The following NALCN variants were observed in gnomAD, a reference collection of about 807,000 sequenced individuals.
NALCN encodes the protein sodium leak channel, non-selective.
NALCN carries 111 observed loss-of-function variants against 225.3 expected under a neutral mutation model. The observed-to-expected ratio is 0.49, with a 90% confidence interval of 0.42 to 0.58. NALCN has a LOEUF of 0.58. NALCN is among the 20% of genes least tolerant of loss of function. The probability of loss-of-function intolerance (pLI) is 0.00; values close to 1 mark genes in which losing one functional copy is unlikely to be tolerated. For missense variants in NALCN, 1,378 were observed against 2,202.4 expected, an observed-to-expected ratio of 0.63 and a Z score of 7.49; for synonymous variants, 764 against 769.0, an observed-to-expected ratio of 0.99 and a Z score of 0.11.
chr13:101,414,526 T>C (rs1485332944), intron 1 of NALCN, among the ~76,000 whole-genome samples: 1 of 140,150 alleles, frequency 7.1e-6, no homozygotes, highest in Non-Finnish European at 1.5e-5. Flanking sequence ...TGTATACACA[T>C]ACATGCACAC....
At chr13:101,307,622 T>A (rs1048739057) in intron 7 of NALCN, among the ~76,000 whole-genome samples, 1 of 152,188 alleles carries the variant, frequency 6.6e-6, no homozygotes, top group African/African-American at 2.4e-5. Context: ...TCCTGTCTGG[T>A]ATACTTTGTG....
intron 40 of NALCN, among the ~76,000 whole-genome samples, chr13:101,062,994 T>C (rs1003415587): frequency 6.6e-6 from 1 of 152,182 alleles, no homozygotes; most frequent in African/African-American, 2.4e-5. Context: ...CATGCAGTTG[T>C]AGGTAAAGCC....
At position 101,104,337 on chromosome 13, in the gene NALCN, G is replaced by T. The variant is rs561770024; in HGVS notation, c.2847C>A (p.Val949=). 6.2e-7 allele frequency: 1 copy of T among 1,613,556 alleles called. No individual in the cohort carries two copies. The highest frequency in any genetic ancestry group is 1.1e-5 in the South Asian group (1 of 90,974). The change falls in exon 25 of 44, where the codon GTC becomes GTA. Residue 949 remains valine, a synonymous_variant. Coordinates refer to ENST00000251127, the MANE Select transcript of NALCN (RefSeq NM_052867.4). This position sits in a 1 kb window ranked among gnomAD's most constrained non-coding sequence, Gnocchi z 4.2. ...CCATTACTCCACCGAAGTCCCTGAT[G>T]ACAGCAGTTGGAGTGAAAAATAAGC... ...ADGLFFTPTA[V]IRDFGGVMDI...
Position 101,284,761 on chromosome 13 carries a change from C to A in NALCN, c.1048-742G>T, listed in dbSNP as rs373031052. On this transcript the variant is annotated intron_variant, in intron 9 of 43. Coordinates refer to ENST00000251127, the MANE Select transcript of NALCN (RefSeq NM_052867.4). Reference sequence around the variant, plus strand: ...GCTACAGGCCCACTAAATCTGAAATCCATTGAATTAGATACCTAGGTTATT... The same window carrying A: ...GCTACAGGCCCACTAAATCTGAAATACATTGAATTAGATACCTAGGTTATT... Among the ~76,000 whole-genome samples the A allele has an allele frequency of 6.3e-4, 96 of 152,254 alleles. 4 individuals are homozygous for A. In the South Asian group the frequency reaches 0.019, roughly 30 times the overall value.
intron 17 of NALCN, 26 bp from the exon 18 acceptor site, chr13:101,124,707 T>C: frequency 6.3e-7 from 1 of 1,592,430 alleles, no homozygotes; most frequent in South Asian, 1.1e-5. Flanking sequence ...GTATGACTTT[T>C]AGTTTTGGAA....
chr13:101,275,594 G>A (rs2138960416), intron 10 of NALCN, among the ~76,000 whole-genome samples: 1 of 152,252 alleles, frequency 6.6e-6, no homozygotes, highest in East Asian at 1.9e-4. Flanking sequence ...ACAATAGCGT[G>A]TAGTCTCAAA....
In NALCN at chr13:101,311,719, C is replaced by G. The variant is rs1297092809; in HGVS notation, c.800-19353G>C. On this transcript the variant is annotated intron_variant, in intron 7 of 43. Coordinates refer to ENST00000251127, the MANE Select transcript of NALCN (RefSeq NM_052867.4). The stretch of plus-strand genomic sequence containing the variant: ...ATCCCAGGGATGAAGCCCACCTGAT[C>G]ATGGTGGATAAGCTTTTTGATGTGC... Among the ~76,000 whole-genome samples, 9 of 152,264 alleles carry G rather than the reference C, an allele frequency of 5.9e-5. No homozygotes were observed. The South Asian group carries it at 1.5e-3, about 25-fold the overall frequency.
intron 4 of NALCN, 70 bp from the exon 5 acceptor site, chr13:101,377,126 A>AT: frequency 1.3e-6 from 2 of 1,584,384 alleles, no homozygotes; most frequent in Non-Finnish European, 1.7e-6. Flanking sequence ...TGGAACATAC[A>AT]GATGTTAGCA....
chr13:101,314,229 T>C (rs1434611530), intron 7 of NALCN, among the ~76,000 whole-genome samples: 2 of 151,334 alleles, frequency 1.3e-5, no homozygotes, highest in Admixed American at 6.6e-5. Context: ...AGTTAATGGG[T>C]GCAGCACACT....
chr13:101,266,527 GA>G (rs1407103591), intron 10 of NALCN, among the ~76,000 whole-genome samples: 1 of 152,186 alleles, frequency 6.6e-6, no homozygotes, highest in African/African-American at 2.4e-5. Flanking sequence ...TTAGGATAAT[GA>G]ATAGTACAGC....
At chr13:101,333,301 A>T (rs187941228) in intron 7 of NALCN, among the ~76,000 whole-genome samples, 1 of 152,302 alleles carries the variant, frequency 6.6e-6, no homozygotes, top group East Asian at 1.9e-4. Context: ...GCCATTCATG[A>T]TTTATTCTAA....
intron 6 of NALCN, among the ~76,000 whole-genome samples, chr13:101,348,557 A>G (rs2139313237): frequency 6.6e-6 from 1 of 152,310 alleles, no homozygotes; most frequent in East Asian, 1.9e-4. Flanking sequence ...CAACACTCAG[A>G]ATGGTGCCAA....
chr13:101,232,388 A>G (rs1281984618), intron 12 of NALCN, among the ~76,000 whole-genome samples: 1 of 152,116 alleles, frequency 6.6e-6, no homozygotes, highest in Non-Finnish European at 1.5e-5. Flanking sequence ...TATGTTGTTC[A>G]AATTAAGCAT....
intron 34 of NALCN, 108 bp downstream of exon 34, chr13:101,081,418 AC>A: frequency 3.3e-6 from 5 of 1,500,082 alleles, no homozygotes; most frequent in Non-Finnish European, 4.5e-6. Flanking sequence ...GGTCCATCTA[AC>A]ACCTCAGAGC....
At chr13:101,372,015 T>C (rs903124854) in intron 6 of NALCN, among the ~76,000 whole-genome samples, 3 of 152,210 alleles carry the variant, frequency 2.0e-5, no homozygotes, top group Non-Finnish European at 4.4e-5. Context: ...ATTTCAGAGT[T>C]ACACATTACT....
intron 9 of NALCN, among the ~76,000 whole-genome samples, chr13:101,287,838 T>C (rs1363100503): frequency 2.0e-5 from 3 of 152,168 alleles, no homozygotes; most frequent in Non-Finnish European, 2.9e-5. Flanking sequence ...AGGCATAATA[T>C]CATCATCATC....
chr13:101,109,601 C>T (rs973448940), intron 20 of NALCN, among the ~76,000 whole-genome samples: 2 of 152,212 alleles, frequency 1.3e-5, no homozygotes, highest in East Asian at 3.8e-4. Flanking sequence ...TGGCTCTGAA[C>T]ATTCAAGATT....
At chr13:101,068,096 A>C (rs1027154572) in intron 38 of NALCN, 63 bp from the exon 39 acceptor site, 1 of 995,322 alleles carries the variant, frequency 1.0e-6, no homozygotes, top group Admixed American at 2.7e-5. Context: ...TTTTAGAAAG[A>C]GTAAAACATC....
chr13:101,109,354 G>A (rs1457428962), intron 20 of NALCN, among the ~76,000 whole-genome samples: 1 of 152,118 alleles, frequency 6.6e-6, no homozygotes, highest in Non-Finnish European at 1.5e-5. Context: ...ATAGGGTATT[G>A]GTGATATCAG....
Sources: allele counts gnomAD v4.1 joint callset (sites outside exome capture counted in the v4.1 genomes callset), GRCh38; gene constraint gnomAD v4.1.1; non-coding constraint Gnocchi (gnomAD v3.1); transcripts MANE v1.5; gene names NCBI Gene and HGNC (gene_info 2026-07-23, HGNC 2026-07-21).